The following RNF123 variants were observed in gnomAD, a reference collection of about 807,000 sequenced individuals.
The protein encoded by RNF123 is ring finger protein 123.
Under a neutral mutation model 168.5 loss-of-function variants are expected in RNF123, and 86 were observed. The ratio of observed to expected loss-of-function variants is 0.51; its 90% CI spans 0.43 to 0.61. The LOEUF (loss-of-function observed/expected upper bound fraction) is 0.61, where lower values mean the gene tolerates loss of function less well. Among genes scored for constraint, RNF123 ranks in the 20% least tolerant of loss-of-function variants. RNF123 has a pLI of 0.00. For synonymous variants in RNF123, 666 were observed against 689.1 expected (o/e 0.97, Z 0.52); for missense variants, 1,419 against 1,729.7 (o/e 0.82, Z 3.19).
In RNF123 at chr3:49,698,790, T is replaced by C. The variant is rs2108180451; in HGVS notation, c.606T>C (p.Ile202=). 1 of 1,614,022 alleles carries C rather than the reference T, an allele frequency of 6.2e-7. No homozygotes were observed. The highest frequency in any genetic ancestry group is 1.1e-5 in the South Asian group (1 of 91,084). The change falls in exon 9 of 39, where the codon ATT becomes ATC. Residue 202 remains isoleucine, a synonymous_variant. Transcript: ENST00000327697. ...WAAGDIVSCL[I]DLDDGTLSFC... Reference sequence around the variant, plus strand: ...CGGGGGACATCGTGAGCTGCCTGATTGACCTGGATGATGGCACTCTGTCCT... The same window carrying C: ...CGGGGGACATCGTGAGCTGCCTGATCGACCTGGATGATGGCACTCTGTCCT...
Position 49,702,101 on chromosome 3 carries a change from T to C in RNF123, c.1514T>C (p.Val505Ala). Reference sequence around the variant, plus strand: ...CCTCCAGTGGTGGAAGAACTACAGGTCCAGATCCTGAAGCTGCTGCTGGAC... The same window carrying C: ...CCTCCAGTGGTGGAAGAACTACAGGCCCAGATCCTGAAGCTGCTGCTGGAC... ...KRIEVVEELQ[V>A]QILKLLLDNK... Residue 505 changes from valine to alanine, a missense_variant, in exon 18 of 39, where the codon GTC becomes GCC. By Grantham distance (64) the Val-to-Ala change is moderately conservative. This residue lies in a region of RNF123 where 349 missense variants were observed against 344.9 expected (regional missense o/e 1.01). Coordinates refer to ENST00000327697, the MANE Select transcript of RNF123 (RefSeq NM_022064.5). 1 of 1,613,894 alleles carries C rather than the reference T, an allele frequency of 6.2e-7. No individual in the cohort carries two copies. Among genetic ancestry groups the C allele is most frequent in the Non-Finnish European group, 8.5e-7 (1 of 1,179,912 alleles).
chr3:49,693,022 C>G (rs1418256199), intron 3 of RNF123, among the ~76,000 whole-genome samples: 1 of 151,464 alleles, frequency 6.6e-6, no homozygotes, highest in Admixed American at 6.6e-5. Flanking sequence ...TATGGTAGCT[C>G]AATTTTTAGT....
intron 8 of RNF123, 62 bp from the exon 9 acceptor site, chr3:49,698,693 G>A: frequency 6.3e-7 from 1 of 1,587,374 alleles, no homozygotes; most frequent in Non-Finnish European, 8.6e-7. Context: ...AACGCAGCTG[G>A]GGTTCAGAGT....
At chr3:49,700,857 C>A in intron 15 of RNF123, 148 bp downstream of exon 15, 1 of 827,980 alleles carries the variant, frequency 1.2e-6, no homozygotes, top group Non-Finnish European at 2.0e-6. Flanking sequence ...CTCTACAGAG[C>A]AAGGACGAGA....
intron 35 of RNF123, chr3:49,718,532 C>G: frequency 1.9e-6 from 3 of 1,613,198 alleles, no homozygotes; most frequent in Non-Finnish European, 1.7e-6. Context: ...TGCGGCGAAA[C>G]CCAGGCAATG....
At position 49,719,380 on chromosome 3, in the gene RNF123, C is replaced by T. The variant is rs1272525037; in HGVS notation, c.3501-1131C>T. The stretch of plus-strand genomic sequence containing the variant: ...TTTGTAGGGGCAGTTGTGGAGCGCA[C>T]GGGGCGGGAAACCCTCGGAGTCCGG... On this transcript the variant is annotated intron_variant, in intron 35 of 38. Coordinates refer to ENST00000327697, the MANE Select transcript of RNF123 (RefSeq NM_022064.5). 3.7e-6 allele frequency: 6 copies of T among 1,613,484 alleles called. No homozygotes were observed. The highest frequency in any genetic ancestry group is 2.2e-5 in the South Asian group (2 of 91,084).
In RNF123 at chr3:49,702,127, A is replaced by G. The variant is rs950573812; in HGVS notation, c.1540A>G (p.Asn514Asp). Residue 514 changes from asparagine to aspartate, a missense_variant, in exon 18 of 39, where the codon AAT becomes GAT. This residue lies in a region of RNF123 where 349 missense variants were observed against 344.9 expected (regional missense o/e 1.01). Transcript: ENST00000327697. ...CCAGATCCTGAAGCTGCTGCTGGAC[A>G]ATAAAGATGACAATGGGGTGAGTGA... Reference protein sequence around the residue: ...QVQILKLLLDNKDDNGGEASR... With the variant: ...QVQILKLLLDDKDDNGGEASR... 6.2e-7 allele frequency: 1 copy of G among 1,614,130 alleles called. No homozygotes were observed.
chr3:49,691,895 A>C (rs957909178), intron 3 of RNF123, among the ~76,000 whole-genome samples: 6 of 152,228 alleles, frequency 3.9e-5, no homozygotes, highest in Non-Finnish European at 7.3e-5. Flanking sequence ...CCTTTTCTTT[A>C]CAAGTTTAAT....
chr3:49,712,226 A>C (rs1453727535), intron 26 of RNF123, among the ~76,000 whole-genome samples: 1 of 151,946 alleles, frequency 6.6e-6, no homozygotes, highest in African/African-American at 2.4e-5. Flanking sequence ...AAAAAAAAAA[A>C]AAACTTGCTT....
rs763537586 is a variant in RNF123, at chr3:49,721,445, G to A, written c.*140G>A. On this transcript the variant is annotated 3_prime_UTR_variant, in exon 39 of 39. Coordinates refer to ENST00000327697, the MANE Select transcript of RNF123 (RefSeq NM_022064.5). ...TCCTTGCCTGCCTGTATCCTCATTGGTGGGAGCCCAGCCATGGCCCTAATT... is the reference window on the plus strand; with the variant it reads ...TCCTTGCCTGCCTGTATCCTCATTGATGGGAGCCCAGCCATGGCCCTAATT... 8.5e-7 allele frequency: 1 copy of A among 1,178,742 alleles called. No individual in the cohort carries two copies. Among genetic ancestry groups the A allele is most frequent in the Non-Finnish European group, 1.3e-6 (1 of 786,804 alleles). The allele number at this position is 1,178,742 out of a possible 1,614,324, so 73.0% of individuals were successfully genotyped here.
chr3:49,700,314 G>T lies in RNF123; in HGVS notation c.1072G>T (p.Val358Leu). ...KGTPTQAQSV[V>L]HQVLDLLWLF... Reference sequence around the variant, plus strand: ...CACACCCACACAGGCACAGTCCGTGGTGCACCAGGTCCTGGACCTCTTGTG... The same window carrying T: ...CACACCCACACAGGCACAGTCCGTGTTGCACCAGGTCCTGGACCTCTTGTG... Residue 358 changes from valine (V) to leucine (L), a missense_variant, in exon 13 of 39, where the codon GTG (valine) becomes TTG (leucine). By Grantham distance (32) the Val-to-Leu change is conservative (BLOSUM62 1). This residue lies in a region of RNF123 where 349 missense variants were observed against 344.9 expected (regional missense o/e 1.01). Coordinates refer to ENST00000327697, the MANE Select transcript of RNF123 (RefSeq NM_022064.5). The T allele has an allele frequency of 6.2e-7, 1 of 1,614,240 alleles. No homozygotes were observed. Among genetic ancestry groups the T allele is most frequent in the Non-Finnish European group, 8.5e-7 (1 of 1,180,042 alleles).
chr3:49,715,799 A>G lies in RNF123; in HGVS notation c.3151-23A>G, dbSNP rs775092776. 7 of 1,613,928 alleles carry G rather than the reference A, an allele frequency of 4.3e-6. No individual in the cohort carries two copies. The South Asian group carries it at 5.5e-5, about 13-fold the overall frequency. On this transcript the variant is annotated intron_variant, in intron 32 of 38. Transcript: ENST00000327697. Reference sequence around the variant, plus strand: ...GCTAGAGCCAGGTGCTGACCACTGCATGCCCACGTGTTGGTGGCTCAGATC... The same window carrying G: ...GCTAGAGCCAGGTGCTGACCACTGCGTGCCCACGTGTTGGTGGCTCAGATC...
At chr3:49,713,407 G>T in intron 27 of RNF123, 106 bp from the exon 28 acceptor site, 2 of 1,116,140 alleles carry the variant, frequency 1.8e-6, no homozygotes, top group Non-Finnish European at 2.6e-6. Context: ...GGCTGGCCTT[G>T]GGAGCCAGCT....
chr3:49,713,583 C>T lies in RNF123; in HGVS notation c.2745C>T (p.Gly915=), dbSNP rs928047296. ...ACTTTGCCGACGCACGCATTGTGGGCACTGGTGAGGGGCCCCTACAGAGGG... is the reference window on the plus strand; with the variant it reads ...ACTTTGCCGACGCACGCATTGTGGGTACTGGTGAGGGGCCCCTACAGAGGG... ...AKHFADARIV[G]TDIRDSLMQA... The change falls in exon 28 of 39, where the codon GGC becomes GGT. Residue 915 remains glycine, a synonymous_variant. Transcript: ENST00000327697. The T allele has an allele frequency of 1.9e-6, 3 of 1,611,918 alleles. No individual in the cohort carries two copies. In the African/African-American group the frequency reaches 4.0e-5, roughly 22 times the overall value.
At chr3:49,717,072 T>A (rs2080261875) in intron 35 of RNF123, 1 of 152,482 alleles carries the variant, frequency 6.6e-6, no homozygotes, top group Non-Finnish European at 1.5e-5. Flanking sequence ...GGACGTGGAG[T>A]TCCGGCTCGG....
At chr3:49,692,669 C>T (rs181661411) in intron 3 of RNF123, among the ~76,000 whole-genome samples, 10 of 152,328 alleles carry the variant, frequency 6.6e-5, no homozygotes, top group African/African-American at 1.9e-4. Flanking sequence ...TACTTTGCCT[C>T]TATGAGTTCA....
chr3:49,697,308 C>G, intron 4 of RNF123, 55 bp from the exon 5 acceptor site: 1 of 1,585,942 alleles, frequency 6.3e-7, no homozygotes, highest in Non-Finnish European at 8.7e-7. Context: ...TCAGGACACC[C>G]TATGCATCCT....
At position 49,712,608 on chromosome 3, in the gene RNF123, G is replaced by A. The variant is rs373044849; in HGVS notation, c.2626G>A (p.Ala876Thr). 3.1e-6 allele frequency: 5 copies of A among 1,614,086 alleles called. No homozygotes were observed. In the Admixed American group the frequency reaches 8.3e-5, roughly 27 times the overall value. ...YLSVAINSYS[A>T]LKNYFGPVHS... ...GAGCGTGGCCATCAACAGCTACAGT[G>A]CTCTCAAGAATTACTTTGGTCCCGT... Residue 876 changes from alanine (A) to threonine (T), a missense_variant, in exon 27 of 39, where the codon GCT becomes ACT. By Grantham distance (58) the Ala-to-Thr change is moderately conservative (BLOSUM62 0). This residue lies in a region of RNF123 where 538 missense variants were observed against 708.8 expected (regional missense o/e 0.76). Coordinates refer to ENST00000327697, the MANE Select transcript of RNF123 (RefSeq NM_022064.5).
At chr3:49,705,456 T>C in intron 23 of RNF123, 78 bp from the exon 24 acceptor site, 1 of 1,518,286 alleles carries the variant, frequency 6.6e-7, no homozygotes, top group Middle Eastern at 2.5e-4. Context: ...GGAGAGATGA[T>C]TTCCTCTCCT....
Sources: allele counts gnomAD v4.1 joint callset (sites outside exome capture counted in the v4.1 genomes callset), GRCh38; gene constraint gnomAD v4.1.1; regional missense constraint gnomAD v4.1.1; transcripts MANE v1.5; gene names NCBI Gene and HGNC (gene_info 2026-07-23, HGNC 2026-07-21).